Variants in ZFHX4 observed in about 807,000 individuals in gnomAD.
The protein encoded by ZFHX4 is zinc finger homeobox 4.
In ZFHX4, 56 loss-of-function variants were observed where a neutral mutation model predicts 267.6. The observed-to-expected ratio is 0.21, with a 90% CI of 0.17 to 0.26. The LOEUF (loss-of-function observed/expected upper bound fraction) is 0.26. Among genes scored for constraint, ZFHX4 ranks in the 10% least tolerant of loss-of-function variants. The pLI, the probability that ZFHX4 is intolerant of heterozygous loss-of-function variation, is 1.00. For synonymous variants in ZFHX4, 1,778 were observed against 1,665.6 expected (o/e 1.07, Z -1.64); for missense variants, 4,332 against 4,420.0 (o/e 0.98, Z 0.56).
At chr8:76,770,562 A>G (rs1438490035) in intron 3 of ZFHX4, among the ~76,000 whole-genome samples, 1 of 152,184 alleles carries the variant, frequency 6.6e-6, no homozygotes, top group Non-Finnish European at 1.5e-5. Flanking sequence ...TGAACAATAA[A>G]GAATCAGTCC....
chr8:76,732,856 G>A (rs911953574), intron 3 of ZFHX4, among the ~76,000 whole-genome samples: 2 of 152,088 alleles, frequency 1.3e-5, no homozygotes, highest in Admixed American at 6.6e-5. Flanking sequence ...TAAGGGTGGG[G>A]GGAGATTAAA....
At chr8:76,773,647 G>A (rs1351816155) in intron 3 of ZFHX4, among the ~76,000 whole-genome samples, 1 of 152,040 alleles carries the variant, frequency 6.6e-6, no homozygotes, top group East Asian at 1.9e-4. Flanking sequence ...CCTGGAAGAT[G>A]GATTTCACTT....
At chr8:76,689,384 G>A (rs1384410742) in intron 1 of ZFHX4, among the ~76,000 whole-genome samples, 3 of 152,044 alleles carry the variant, frequency 2.0e-5, no homozygotes, top group Non-Finnish European at 2.9e-5. Context: ...AAAAGCCCAG[G>A]GTATTCTGAT....
intron 4 of ZFHX4, among the ~76,000 whole-genome samples, chr8:76,786,548 G>T (rs1563521876): frequency 6.6e-6 from 1 of 151,794 alleles, no homozygotes; most frequent in Non-Finnish European, 1.5e-5. Context: ...TTTCAGAAGT[G>T]TTGATATTTT....
intron 6 of ZFHX4, among the ~76,000 whole-genome samples, chr8:76,844,908 A>G (rs1812327912): frequency 6.6e-6 from 1 of 152,130 alleles, no homozygotes; most frequent in Non-Finnish European, 1.5e-5. Flanking sequence ...TAGGTTTAAA[A>G]TATTATTACA....
At chr8:76,701,499 T>A (rs1808102079) in intron 1 of ZFHX4, among the ~76,000 whole-genome samples, 1 of 152,152 alleles carries the variant, frequency 6.6e-6, no homozygotes, top group Admixed American at 6.6e-5. Flanking sequence ...TGAAGGTGAC[T>A]TCTGGCTCTT....
intron 1 of ZFHX4, 46 bp from the exon 2 acceptor site, chr8:76,703,997 T>A (rs2131603956): frequency 8.0e-7 from 1 of 1,245,926 alleles, no homozygotes; most frequent in South Asian, 1.6e-5. Flanking sequence ...GTGAGCTGTG[T>A]CATTATTTAA....
At chr8:76,850,133 C>A in intron 8 of ZFHX4, 112 bp from the exon 9 acceptor site, 1 of 841,562 alleles carries the variant, frequency 1.2e-6, no homozygotes, top group Non-Finnish European at 1.9e-6. Flanking sequence ...AACATCCCTG[C>A]TTTGGCTAAA....
chr8:76,823,862 T>A (rs1462231847), intron 4 of ZFHX4, among the ~76,000 whole-genome samples: 1 of 152,192 alleles, frequency 6.6e-6, no homozygotes, highest in Non-Finnish European at 1.5e-5. Context: ...ATGTATACAA[T>A]TGTAAAGGGT....
intron 3 of ZFHX4, among the ~76,000 whole-genome samples, chr8:76,712,327 A>G (rs1314840048): frequency 2.0e-5 from 3 of 152,206 alleles, no homozygotes; most frequent in Non-Finnish European, 4.4e-5. Flanking sequence ...GCAAGGAGGC[A>G]TATTGGGAAC....
chr8:76,683,404 C>T (rs1807601939), intron 1 of ZFHX4: 1 of 146,702 alleles, frequency 6.8e-6, no homozygotes, highest in Non-Finnish European at 1.5e-5. Flanking sequence ...ACAACATCCC[C>T]CCCCACACAC....
In ZFHX4 at chr8:76,853,577, A is replaced by G. The variant is rs1192631488; in HGVS notation, c.6656A>G (p.Lys2219Arg). Reference sequence around the variant, plus strand: ...CAGCCCACCTCTTTAGAACATTACAAATCTGATGCATCATTCAGTAAAAGG... The same window carrying G: ...CAGCCCACCTCTTTAGAACATTACAGATCTGATGCATCATTCAGTAAAAGG... ...DPQPTSLEHY[K>R]SDASFSKRSS... The change falls in exon 10 of 11, where the codon AAA (lysine) becomes AGA (arginine). Residue 2219 changes from lysine to arginine, a missense_variant. This residue lies in a region of ZFHX4 where 62 missense variants were observed against 69.8 expected (regional missense o/e 0.89). Transcript: ENST00000651372. 2 of 1,613,844 alleles carry G rather than the reference A, an allele frequency of 1.2e-6. No homozygotes were observed. The highest frequency in any genetic ancestry group is 1.7e-6 in the Non-Finnish European group (2 of 1,179,864).
At chr8:76,722,602 T>C (rs1165404990) in intron 3 of ZFHX4, among the ~76,000 whole-genome samples, 1 of 150,258 alleles carries the variant, frequency 6.7e-6, no homozygotes, top group Non-Finnish European at 1.5e-5. Flanking sequence ...TCTCACTTTT[T>C]ATGTGTTTTT....
intron 4 of ZFHX4, 79 bp downstream of exon 4, chr8:76,778,518 C>CA: frequency 8.6e-7 from 1 of 1,165,146 alleles, no homozygotes; most frequent in South Asian, 1.3e-5. Context: ...CAAACACACA[C>CA]ACACACGCCT....
Position 76,742,705 on chromosome 8 carries a change from A to G in ZFHX4, c.3093+34657A>G, listed in dbSNP as rs557674575. Among the ~76,000 whole-genome samples, 18 of 152,318 alleles carry G rather than the reference A, an allele frequency of 1.2e-4. No homozygotes were observed. The South Asian group carries it at 3.3e-3, about 28-fold the overall frequency. On this transcript the variant is annotated intron_variant, in intron 3 of 10. Transcript: ENST00000651372. ...ATTGAACAGTATTTGGATCAATAAA[A>G]TCATTGACTGAGTACCACTGGTGCT...
chr8:76,762,755 A>G (rs1809949748), intron 3 of ZFHX4, among the ~76,000 whole-genome samples: 1 of 152,198 alleles, frequency 6.6e-6, no homozygotes, highest in African/African-American at 2.4e-5. Flanking sequence ...ATCTGTAGTC[A>G]TCTTTTATAC....
intron 4 of ZFHX4, among the ~76,000 whole-genome samples, chr8:76,802,724 G>A (rs1311863408): frequency 2.6e-5 from 4 of 152,242 alleles, no homozygotes; most frequent in African/African-American, 7.2e-5. Context: ...ATACACAGAA[G>A]GCTTTTGCAG....
chr8:76,758,994 T>C (rs1324889898), intron 3 of ZFHX4, among the ~76,000 whole-genome samples: 1 of 152,160 alleles, frequency 6.6e-6, no homozygotes, highest in Non-Finnish European at 1.5e-5. Flanking sequence ...ACAATACTGG[T>C]ATGTGGATTA....
chr8:76,776,916 A>AT (rs1322354232), intron 3 of ZFHX4, among the ~76,000 whole-genome samples: 3 of 152,152 alleles, frequency 2.0e-5, no homozygotes, highest in African/African-American at 7.2e-5. Flanking sequence ...TCAGATGCTA[A>AT]AAGCCAGGGA....
Sources: allele counts gnomAD v4.1 joint callset (sites outside exome capture counted in the v4.1 genomes callset), GRCh38; gene constraint gnomAD v4.1.1; regional missense constraint gnomAD v4.1.1; transcripts MANE v1.5; gene names NCBI Gene and HGNC (gene_info 2026-07-23, HGNC 2026-07-21).